FYB1: variants seen among roughly 807,000 people sequenced by gnomAD.
The protein encoded by FYB1 is FYN-binding protein 1.
In FYB1, 41 loss-of-function variants were observed where a neutral mutation model predicts 94.1. The observed-to-expected ratio is 0.44, with a 90% CI of 0.34 to 0.57. The LOEUF is 0.57. Ranked by LOEUF, FYB1 falls within the 20% of genes least tolerant of loss-of-function variation. The probability of loss-of-function intolerance (pLI) is 0.02; values close to 1 mark genes in which losing one functional copy is unlikely to be tolerated. For missense variants in FYB1, 1,050 were observed against 976.8 expected, an observed-to-expected ratio of 1.07 and a Z score of -1.00; for synonymous variants, 367 against 353.2, an observed-to-expected ratio of 1.04 and a Z score of -0.44.
intron 3 of FYB1, 33 bp from the exon 4 acceptor site, chr5:39,141,174 G>A (rs1166463788): frequency 7.8e-6 from 11 of 1,416,042 alleles, no homozygotes; most frequent in Admixed American, 1.9e-5. Context: ...AGTGAACATG[G>A]AACAAGTAGA....
chr5:39,185,936 G>A (rs988245097), intron 2 of FYB1, among the ~76,000 whole-genome samples: 6 of 152,070 alleles, frequency 3.9e-5, no homozygotes, highest in African/African-American at 1.2e-4. Context: ...TGAGAACTAC[G>A]AGTGAGCCCT....
chr5:39,110,647 TA>T (rs2150255519), intron 16 of FYB1: 1 of 358,950 alleles, frequency 2.8e-6, no homozygotes, highest in East Asian at 5.1e-5. Context: ...CCCCTTTAAA[TA>T]AAAAAGCAAC....
intron 1 of FYB1, among the ~76,000 whole-genome samples, chr5:39,239,200 A>G (rs1338421864): frequency 6.6e-6 from 1 of 152,162 alleles, no homozygotes; most frequent in Non-Finnish European, 1.5e-5. Context: ...CCCACAGCCA[A>G]CATCATACTA....
intron 12 of FYB1, 72 bp from the exon 13 acceptor site, chr5:39,124,350 G>C (rs1740426191): frequency 2.0e-6 from 2 of 1,020,902 alleles, no homozygotes; most frequent in Admixed American, 3.6e-5. Flanking sequence ...TTATATAGGA[G>C]AGTATAAAGG....
intron 2 of FYB1, among the ~76,000 whole-genome samples, chr5:39,191,524 T>C (rs189552773): frequency 6.6e-6 from 1 of 152,362 alleles, no homozygotes; most frequent in East Asian, 1.9e-4. Context: ...GGTTACTTTT[T>C]CCTGATAATA....
At chr5:39,139,295 G>A in intron 4 of FYB1, 43 bp from the exon 5 acceptor site, 1 of 1,370,392 alleles carries the variant, frequency 7.3e-7, no homozygotes, top group East Asian at 2.6e-5. Context: ...TTGTAATAAG[G>A]AAGCACTTTA....
chr5:39,267,326 T>A (rs1390444184), intron 1 of FYB1, among the ~76,000 whole-genome samples: 1 of 151,996 alleles, frequency 6.6e-6, no homozygotes, highest in Non-Finnish European at 1.5e-5. Flanking sequence ...ATAATTGCAA[T>A]CTTACTCTCC....
At chr5:39,169,145 G>A in intron 2 of FYB1, 1 of 725,398 alleles carries the variant, frequency 1.4e-6, no homozygotes, top group Non-Finnish European at 2.5e-6. Flanking sequence ...TTAGGCAATT[G>A]GCCTTCTTGC....
Position 39,217,894 on chromosome 5 carries a change from G to C in FYB1, c.-28+1549C>G, listed in dbSNP as rs191546855. Among the ~76,000 whole-genome samples, 191 of 152,308 alleles carry C rather than the reference G, an allele frequency of 1.3e-3. 1 individual carries two copies. The highest frequency in any genetic ancestry group is 4.4e-3 in the African/African-American group (184 of 41,560). ...GTATTGTGTAAATGGTGGAAAATGT[G>C]GTTTTTAAAGCACATTGAGGCTGGT... On this transcript the variant is annotated intron_variant, in intron 1 of 18. Coordinates refer to ENST00000512982, the MANE Select transcript of FYB1 (RefSeq NM_001465.6).
At chr5:39,116,200 G>C (rs899016973) in intron 16 of FYB1, among the ~76,000 whole-genome samples, 2 of 152,106 alleles carry the variant, frequency 1.3e-5, no homozygotes, top group Non-Finnish European at 2.9e-5. Context: ...TGGCATTTTT[G>C]CAGAATCACT....
At chr5:39,138,977 TTTTCTATCTTGCTATA>T (rs1226468611) in intron 5 of FYB1, 1 of 545,480 alleles carries the variant, frequency 1.8e-6, no homozygotes, top group Admixed American at 3.5e-5. Flanking sequence ...CAAAATTTCC[TTTTCTATCTTGCTATA>T]TAAATCAGAC....
chr5:39,143,660 G>A lies in FYB1; in HGVS notation c.1293-2519C>T, dbSNP rs1228754342. On this transcript the variant is annotated intron_variant, in intron 3 of 18. Transcript: ENST00000512982. ...GAACAAGAGATGCTGGTTGTAAAAT[G>A]TGTGTTTCACCACATTTGAAGAATG... Among the ~76,000 whole-genome samples the A allele has an allele frequency of 3.9e-5, 6 of 152,268 alleles. No individual in the cohort carries two copies. In the East Asian group the frequency reaches 1.2e-3, roughly 29 times the overall value.
At chr5:39,134,791 T>C (rs1741517292) in intron 8 of FYB1, 64 bp downstream of exon 8, 1 of 1,549,304 alleles carries the variant, frequency 6.5e-7, no homozygotes, top group Admixed American at 1.7e-5. Flanking sequence ...TCTGGAGGAA[T>C]ATGTACATTG....
Position 39,119,033 on chromosome 5 carries a change from C to T in FYB1, c.2242G>A (p.Asp748Asn), listed in dbSNP as rs1355574545. ...GAATATAGGACTCTAATTTCACCAT[C>T]ATACTAAAAAAAAAAGAACAATATT... Reference protein sequence around the residue: ...EKDFRKKFKYDGEIRVLYSTK... With the variant: ...EKDFRKKFKYNGEIRVLYSTK... The change falls in exon 16 of 19, where the codon GAT becomes AAT. Residue 748 changes from aspartate to asparagine, a missense_variant. Coordinates refer to ENST00000512982, the MANE Select transcript of FYB1 (RefSeq NM_001465.6). 2.3e-6 allele frequency: 3 copies of T among 1,304,178 alleles called. No homozygotes were observed. Among genetic ancestry groups the T allele is most frequent in the South Asian group, 3.6e-5 (2 of 56,196 alleles). The allele number at this position is 1,304,178 out of a possible 1,614,324, so 80.8% of individuals were successfully genotyped here.
rs901434227 is a variant in FYB1 at position 39,122,363 on chromosome 5, T to G, written c.2111A>C (p.Asp704Ala). The change falls in exon 14 of 19, where the codon GAT becomes GCT. Residue 704 changes from aspartate (D) to alanine (A), a missense_variant. Asp to Ala is a moderately radical substitution (Grantham distance 126, BLOSUM62 -2). Coordinates refer to ENST00000512982, the MANE Select transcript of FYB1 (RefSeq NM_001465.6). ...CATCTCTGCTGATGAAACAGGGAAA[T>G]CAGAGGTATCCACATCATCGTAAAC... ...DEVYDDVDTS[D>A]FPVSSAEMSQ... is the part of the protein sequence containing the mutation. 1 of 1,580,018 alleles carries G rather than the reference T, an allele frequency of 6.3e-7. No individual in the cohort carries two copies. The highest frequency in any genetic ancestry group is 1.3e-5 in the African/African-American group (1 of 74,452).
chr5:39,192,365 A>T (rs1466433103), intron 2 of FYB1, among the ~76,000 whole-genome samples: 1 of 152,202 alleles, frequency 6.6e-6, no homozygotes, highest in Non-Finnish European at 1.5e-5. Context: ...AATTAGGTAA[A>T]TCATCTCACA....
intron 2 of FYB1, among the ~76,000 whole-genome samples, chr5:39,184,907 T>C (rs992335008): frequency 6.6e-6 from 1 of 152,174 alleles, no homozygotes; most frequent in African/African-American, 2.4e-5. Context: ...TATTTTATAA[T>C]AAAATATTAA....
At chr5:39,243,057 T>A (rs958985702) in intron 1 of FYB1, among the ~76,000 whole-genome samples, 12 of 152,226 alleles carry the variant, frequency 7.9e-5, no homozygotes, top group African/African-American at 2.9e-4. Context: ...GTCAGATGAG[T>A]AGATTGCAAA....
intron 13 of FYB1, among the ~76,000 whole-genome samples, chr5:39,122,755 A>G (rs1328317437): frequency 6.6e-6 from 1 of 152,182 alleles, no homozygotes; most frequent in Non-Finnish European, 1.5e-5. Flanking sequence ...GGCCACTGGC[A>G]GGATGAAGTA....
Sources: allele counts gnomAD v4.1 joint callset (sites outside exome capture counted in the v4.1 genomes callset), GRCh38; gene constraint gnomAD v4.1.1; transcripts MANE v1.5; gene names NCBI Gene and HGNC (gene_info 2026-07-23, HGNC 2026-07-21).